The following WNT8A variants were observed in gnomAD, a reference collection of about 807,000 sequenced individuals.
The protein encoded by WNT8A is protein Wnt-8a.
WNT8A carries 14 observed loss-of-function variants against 20.5 expected under a neutral mutation model. That is an observed-to-expected ratio of 0.68 (90% CI 0.45 to 1.07). WNT8A has a LOEUF of 1.07. WNT8A is among the 50% of genes least tolerant of loss of function. The probability of loss-of-function intolerance (pLI) is 0.00; values close to 1 mark genes in which losing one functional copy is unlikely to be tolerated. For missense variants in WNT8A, 397 were observed against 462.9 expected (o/e 0.86, Z 1.31); for synonymous variants, 167 against 169.2 (o/e 0.99, Z 0.10).
intron 1 of WNT8A, 80 bp downstream of exon 1, chr5:138,084,363 G>A: frequency 6.4e-7 from 1 of 1,568,578 alleles, no homozygotes; most frequent in Non-Finnish European, 8.7e-7. Context: ...GGCGGGGACA[G>A]TGCCAGAGCC....
At chr5:138,082,916 T>TAAATA (rs1554086965), upstream of WNT8A, among the ~76,000 whole-genome samples, 2,957 of 142,104 alleles carry the variant, frequency 0.021, 59 homozygotes, top group African/African-American at 0.045. Flanking sequence ...AATAAATAAA[T>TAAATA]AAATAAAATA....
chr5:138,080,455 T>TTTTTTTTG (rs1195637093), upstream of WNT8A, among the ~76,000 whole-genome samples: 139 of 99,112 alleles, frequency 1.4e-3, 6 homozygotes, highest in East Asian at 0.01. Flanking sequence ...TTTTTTTTTT[T>TTTTTTTTG]TTTTTTTTTT....
At chr5:138,078,609 G>T in the WNT8A span, among the ~76,000 whole-genome samples, 2 of 152,212 alleles carry the variant, frequency 1.3e-5, no homozygotes, top group South Asian at 2.1e-4. Context: ...AACCCTCCTG[G>T]CCTTAACATT....
the WNT8A span, among the ~76,000 whole-genome samples, chr5:138,077,803 T>C: frequency 6.6e-6 from 1 of 152,236 alleles, no homozygotes; most frequent in African/African-American, 2.4e-5. Context: ...GAGAAACACG[T>C]CCCTATCCTT....
chr5:138,087,730 G>A, intron 2 of WNT8A, 76 bp from the exon 3 acceptor site: 2 of 1,441,810 alleles, frequency 1.4e-6, no homozygotes, highest in Non-Finnish European at 1.9e-6. Flanking sequence ...GAGATAAACA[G>A]TATTATTTTT....
At chr5:138,087,955 GT>G in intron 3 of WNT8A, 24 bp downstream of exon 3, 2 of 1,612,068 alleles carry the variant, frequency 1.2e-6, no homozygotes, top group Non-Finnish European at 1.7e-6. Context: ...TCTAATGGGG[GT>G]GGGAAGAGGT....
At chr5:138,083,120 A>G (rs2151143388), upstream of WNT8A, among the ~76,000 whole-genome samples, 1 of 152,038 alleles carries the variant, frequency 6.6e-6, no homozygotes, top group South Asian at 2.1e-4. Context: ...TTCTCTACTA[A>G]AAATACAAAA....
At position 138,091,385 on chromosome 5, in the gene WNT8A, TA is replaced by T; in HGVS notation, c.*313del. On this transcript the variant is annotated 3_prime_UTR_variant, in exon 5 of 5. Transcript: ENST00000506684. ...GAGAGTTTGGTTTGGGGTCTATATCTAGAGGGACCTTCAAAGTATTTGTTCC... is the reference window on the plus strand; with the variant it reads ...GAGAGTTTGGTTTGGGGTCTATATCTGAGGGACCTTCAAAGTATTTGTTCC... 1 of 1,391,750 alleles carries T rather than the reference TA, an allele frequency of 7.2e-7. No individual in the cohort carries two copies. The highest frequency in any genetic ancestry group is 4.0e-5 in the East Asian group (1 of 24,738). 86.2% of individuals were successfully genotyped at this position (1,391,750 alleles called of 1,614,324 possible).
chr5:138,088,851 T>G, intron 3 of WNT8A, 76 bp from the exon 4 acceptor site: 1 of 1,566,468 alleles, frequency 6.4e-7, no homozygotes, highest in Non-Finnish European at 8.7e-7. Context: ...ACTCTAGGGC[T>G]CTTGGGGGTG....
At chr5:138,079,315 A>G (rs368706758), upstream of WNT8A, among the ~76,000 whole-genome samples, 5,664 of 52,984 alleles carry the variant, frequency 0.11, 127 homozygotes, top group Middle Eastern at 0.23. Flanking sequence ...AATTATTATT[A>G]ATTATATATT....
intron 4 of WNT8A, among the ~76,000 whole-genome samples, chr5:138,089,915 G>A (rs1396371456): frequency 6.6e-6 from 1 of 152,144 alleles, no homozygotes; most frequent in Non-Finnish European, 1.5e-5. Context: ...TCTTGCCTCA[G>A]CCTCCCAACG....
rs2151144352 is a variant in WNT8A, at chr5:138,084,551, G to A, written c.210G>A (p.Glu70=). ...CCTTGGGTGCCCAGAGTGGCATCGA[G>A]GAGTGCAAGTTCCAGTTTGCTTGGG... ...SVALGAQSGI[E]ECKFQFAWER... is the part of the protein sequence containing the mutation. The change falls in exon 2 of 5, where the codon GAG becomes GAA. Residue 70 remains glutamate, a synonymous_variant. Transcript: ENST00000506684. The A allele has an allele frequency of 1.9e-6, 3 of 1,613,844 alleles. No homozygotes were observed. Among genetic ancestry groups the A allele is most frequent in the Non-Finnish European group, 2.5e-6 (3 of 1,179,878 alleles).
intron 4 of WNT8A, among the ~76,000 whole-genome samples, chr5:138,090,037 G>A (rs529574729): frequency 6.6e-6 from 1 of 152,244 alleles, no homozygotes; most frequent in African/African-American, 2.4e-5. Context: ...GACTCAAGGA[G>A]CTCCCTCCCC....
rs760234412 is a variant in WNT8A, at chr5:138,090,645, GCCAAGTATGA to G, written c.686_695del (p.Lys229ArgfsTer3). 1 of 1,614,214 alleles carries G rather than the reference GCCAAGTATGA, an allele frequency of 6.2e-7. No individual in the cohort carries two copies. On this transcript the variant is annotated frameshift_variant, in exon 5 of 5. Coordinates refer to ENST00000506684, the MANE Select transcript of WNT8A (RefSeq NM_001300939.2). LOFTEE classifies it low-confidence loss of function (END_TRUNC). Reference sequence around the variant, plus strand: ...CCGGGAGATGGGAGACTACCTAAAGGCCAAGTATGACCAGGCGCTGAAAATTGAAATGGAT... The same window carrying G: ...CCGGGAGATGGGAGACTACCTAAAGGCCAGGCGCTGAAAATTGAAATGGAT...
rs1750856508 is a variant in WNT8A at position 138,091,520 on chromosome 5, C to T, written c.*447C>T. 2 of 1,318,916 alleles carry T rather than the reference C, an allele frequency of 1.5e-6. No homozygotes were observed. Among genetic ancestry groups the T allele is most frequent in the Non-Finnish European group, 2.0e-6 (2 of 1,003,470 alleles). 81.7% of individuals were successfully genotyped at this position (1,318,916 alleles called of 1,614,324 possible). A position where few individuals can be genotyped will look rare whatever the true frequency, so the allele number is the denominator to read the frequency against. On this transcript the variant is annotated 3_prime_UTR_variant, in exon 5 of 5. Transcript: ENST00000506684. ...ACTTCTGAAGAGCAGCCTGTGGCTA[C>T]AAATCTATGCTGATAAATGAGGTAA...
chr5:138,084,339 C>A (rs1024309218), intron 1 of WNT8A, 56 bp downstream of exon 1: 1 of 1,599,034 alleles, frequency 6.3e-7, no homozygotes, highest in African/African-American at 1.3e-5. Context: ...GGGGACTCTT[C>A]TGGAGAAAAG....
chr5:138,082,068 ATGGAGTCAGAAC>A (rs1750522995), upstream of WNT8A, among the ~76,000 whole-genome samples: 1 of 152,150 alleles, frequency 6.6e-6, no homozygotes, highest in African/African-American at 2.4e-5. Flanking sequence ...TGGTCACAGG[ATGGAGTCAGAAC>A]TGTGACTTTC....
chr5:138,091,229 G>T lies in WNT8A; in HGVS notation c.*156G>T. The T allele has an allele frequency of 6.4e-7, 1 of 1,555,798 alleles. No homozygotes were observed. The highest frequency in any genetic ancestry group is 8.6e-7 in the Non-Finnish European group (1 of 1,161,826). The stretch of plus-strand genomic sequence containing the variant: ...ATCAGTGGGGAAAATGGAGGCCCAA[G>T]ATTCTACAGCATATTCCTGGCGGGG... On this transcript the variant is annotated 3_prime_UTR_variant, in exon 5 of 5. Transcript: ENST00000506684.
At chr5:138,089,742 G>A (rs1250550972) in intron 4 of WNT8A, among the ~76,000 whole-genome samples, 1 of 152,082 alleles carries the variant, frequency 6.6e-6, no homozygotes, top group Non-Finnish European at 1.5e-5. Flanking sequence ...GCTCACTGCA[G>A]CCTCCACCTC....
Sources: allele counts gnomAD v4.1 joint callset (sites outside exome capture counted in the v4.1 genomes callset), GRCh38; gene constraint gnomAD v4.1.1; transcripts MANE v1.5; gene names NCBI Gene and HGNC (gene_info 2026-07-23, HGNC 2026-07-21).